PTPRD: variants seen among roughly 807,000 people sequenced by gnomAD.
The protein encoded by PTPRD is receptor-type tyrosine-protein phosphatase delta.
In PTPRD, 34 loss-of-function variants were observed where a neutral mutation model predicts 214.5. That is an observed-to-expected ratio of 0.16 (90% CI 0.12 to 0.21). PTPRD has a LOEUF of 0.21. Among genes scored for constraint, PTPRD ranks in the 10% least tolerant of loss-of-function variants. The probability of loss-of-function intolerance (pLI) is 1.00; values close to 1 mark genes in which losing one functional copy is unlikely to be tolerated. For missense variants in PTPRD, 2,545 were observed against 2,398.7 expected (o/e 1.06, Z -1.27); for synonymous variants, 1,128 against 845.7 (o/e 1.33, Z -5.79).
chr9:9,637,204 C>A (rs933933338), intron 7 of PTPRD, among the ~76,000 whole-genome samples: 3 of 152,108 alleles, frequency 2.0e-5, no homozygotes, highest in Non-Finnish European at 2.9e-5. Flanking sequence ...TTTTCACACA[C>A]AAAATACCTT....
rs567324348 is a variant in PTPRD at position 9,767,308 on chromosome 9, T to C, written c.-367-457A>G. 9.9e-5 allele frequency among the ~76,000 whole-genome samples: 15 copies of C among 152,180 alleles called. 1 individual carries two copies. The South Asian group carries it at 3.1e-3, about 31-fold the overall frequency. The stretch of plus-strand genomic sequence containing the variant: ...TCAAAAAGTGGCAGTGAAGCACTCA[T>C]TAAAGTTAACAGAGATAGACTTTTA... On this transcript the variant is annotated intron_variant, in intron 5 of 45. Transcript: ENST00000381196.
chr9:10,310,646 G>A (rs185887266), intron 3 of PTPRD, among the ~76,000 whole-genome samples: 2 of 152,208 alleles, frequency 1.3e-5, no homozygotes, highest in East Asian at 3.9e-4. Flanking sequence ...TGGGGAAAGT[G>A]TTTACACGAA....
intron 10 of PTPRD, among the ~76,000 whole-genome samples, chr9:9,149,565 T>G (rs1204915110): frequency 6.6e-6 from 1 of 152,184 alleles, no homozygotes; most frequent in African/African-American, 2.4e-5. Flanking sequence ...GGCAATCAGC[T>G]TCAGCAACAT....
intron 7 of PTPRD, among the ~76,000 whole-genome samples, chr9:9,697,657 G>A (rs1228788908): frequency 6.6e-6 from 1 of 151,952 alleles, no homozygotes; most frequent in Non-Finnish European, 1.5e-5. Context: ...TATATGCCTT[G>A]GGGTAGTTTT....
rs3050068 is a variant in PTPRD, at chr9:9,759,555, C to CTTT, written c.-326+7252_-326+7254dup. 3.7e-3 allele frequency among the ~76,000 whole-genome samples: 432 copies of CTTT among 117,800 alleles called. 17 individuals carry two copies. The highest frequency in any genetic ancestry group is 0.011 in the African/African-American group (329 of 29,254). The allele number at this position is 117,800 out of a possible 152,430, so 77.3% of individuals were successfully genotyped here. ...ACATCTTCAAATAGTCAAGGTCTGT[C>CTTT]TTTTTTTTTTTTTTTTTTTTGAGAT... is the stretch of plus-strand genomic sequence containing the variant. On this transcript the variant is annotated intron_variant, in intron 6 of 45. Transcript: ENST00000381196.
At chr9:9,841,311 T>G (rs2058280111) in intron 5 of PTPRD, among the ~76,000 whole-genome samples, 1 of 152,128 alleles carries the variant, frequency 6.6e-6, no homozygotes, top group Non-Finnish European at 1.5e-5. Flanking sequence ...GATGAATCAC[T>G]GAGTCTTGCG....
At chr9:8,358,536 C>G (rs1187534871) in intron 39 of PTPRD, among the ~76,000 whole-genome samples, 1 of 152,054 alleles carries the variant, frequency 6.6e-6, no homozygotes, top group Non-Finnish European at 1.5e-5. Context: ...TCTTCCAGAG[C>G]CTCTGTTTTC....
intron 10 of PTPRD, among the ~76,000 whole-genome samples, chr9:9,152,446 G>T (rs190944495): frequency 6.6e-6 from 1 of 152,086 alleles, no homozygotes; most frequent in African/African-American, 2.4e-5. Context: ...AGTCTCAAGG[G>T]GGAAATTATG....
chr9:10,015,198 T>C (rs776484176), intron 4 of PTPRD, among the ~76,000 whole-genome samples: 1 of 152,156 alleles, frequency 6.6e-6, no homozygotes, highest in African/African-American at 2.4e-5. Flanking sequence ...TAACTCAGAA[T>C]TGACCTTTTC....
chr9:10,329,586 C>T (rs1321609106), intron 3 of PTPRD, among the ~76,000 whole-genome samples: 2 of 151,744 alleles, frequency 1.3e-5, no homozygotes. Context: ...CAGTACATCG[C>T]ATGCTTAATG....
chr9:10,316,752 T>C (rs2096444700), intron 3 of PTPRD, among the ~76,000 whole-genome samples: 1 of 151,962 alleles, frequency 6.6e-6, no homozygotes, highest in Admixed American at 6.6e-5. Flanking sequence ...GAGATTATTC[T>C]AATCTAAAAA....
chr9:10,213,762 T>C (rs2099527870), intron 3 of PTPRD, among the ~76,000 whole-genome samples: 1 of 152,116 alleles, frequency 6.6e-6, no homozygotes, highest in African/African-American at 2.4e-5. Context: ...AAATAACACT[T>C]TTGTTGTTAC....
chr9:8,882,712 C>T (rs2098456467), intron 11 of PTPRD, among the ~76,000 whole-genome samples: 1 of 151,926 alleles, frequency 6.6e-6, no homozygotes, highest in Middle Eastern at 3.4e-3. Context: ...TAGTGAAACC[C>T]CGCCTCTACT....
chr9:9,087,878 C>CTTTTTTTTT (rs59824704), intron 10 of PTPRD, among the ~76,000 whole-genome samples: 5 of 68,648 alleles, frequency 7.3e-5, no homozygotes, highest in East Asian at 5.2e-4. Flanking sequence ...GCCCTAAACT[C>CTTTTTTTTT]TTTTTTTTTT....
At chr9:9,532,563 T>C (rs921445335) in intron 8 of PTPRD, among the ~76,000 whole-genome samples, 11 of 152,170 alleles carry the variant, frequency 7.2e-5, no homozygotes, top group African/African-American at 2.7e-4. Context: ...CAGATTTCTT[T>C]GAGAATTCAG....
At chr9:8,773,663 C>G (rs1390494567) in intron 11 of PTPRD, among the ~76,000 whole-genome samples, 1 of 152,210 alleles carries the variant, frequency 6.6e-6, no homozygotes, top group Non-Finnish European at 1.5e-5. Flanking sequence ...GAATTCCCAT[C>G]ATTAAAATAA....
chr9:8,806,719 G>T (rs1014026648), intron 11 of PTPRD, among the ~76,000 whole-genome samples: 23 of 152,136 alleles, frequency 1.5e-4, no homozygotes, highest in African/African-American at 5.6e-4. Context: ...CTGTTCTGAT[G>T]TTTTAATGTG....
Position 9,396,839 on chromosome 9 carries a change from C to T in PTPRD, c.-203+610G>A, listed in dbSNP as rs79567360. ...TAAGTCTGGCAATGTGCAGAGAATCCTTGAAAATACCAGTTTACCAGTACT... is the reference window on the plus strand; with the variant it reads ...TAAGTCTGGCAATGTGCAGAGAATCTTTGAAAATACCAGTTTACCAGTACT... On this transcript the variant is annotated intron_variant, in intron 9 of 45. Transcript: ENST00000381196. Among the ~76,000 whole-genome samples, 717 of 152,042 alleles carry T rather than the reference C, an allele frequency of 4.7e-3. 6 individuals carry two copies. The highest frequency in any genetic ancestry group is 0.016 in the African/African-American group (671 of 41,514).
At chr9:8,373,280 G>T (rs950686274) in intron 39 of PTPRD, among the ~76,000 whole-genome samples, 11 of 151,938 alleles carry the variant, frequency 7.2e-5, no homozygotes, top group African/African-American at 2.7e-4. Context: ...AGATAACATG[G>T]ATGTTGACGA....
Sources: gnomAD v4.1 joint callset for allele counts (sites outside exome capture counted in the v4.1 genomes callset) on GRCh38, gnomAD v4.1.1 for gene constraint, MANE v1.5 for transcripts, NCBI Gene and HGNC (gene_info 2026-07-23, HGNC 2026-07-21) for gene names.